The following PBX1 variants were observed in gnomAD, a reference collection of about 807,000 sequenced individuals.
The protein encoded by PBX1 is PBX homeobox 1.
A neutral mutation model predicts 53.4 loss-of-function variants in PBX1; 6 were observed. The observed-to-expected ratio is 0.11, with a 90% CI of 0.06 to 0.22. The LOEUF (loss-of-function observed/expected upper bound fraction) is 0.22. PBX1 is among the 10% of genes least tolerant of loss of function. PBX1 has a pLI of 1.00. For synonymous variants in PBX1, 204 were observed against 212.3 expected, an observed-to-expected ratio of 0.96 and a Z score of 0.34; for missense variants, 251 against 551.4, an observed-to-expected ratio of 0.46 and a Z score of 5.46.
At chr1:164,723,008 A>C (rs1664492851) in intron 2 of PBX1, among the ~76,000 whole-genome samples, 1 of 152,182 alleles carries the variant, frequency 6.6e-6, no homozygotes, top group African/African-American at 2.4e-5. Context: ...TGAACTTTCT[A>C]TACAGAGGTT....
At chr1:164,723,685 C>T (rs1188216498) in intron 2 of PBX1, among the ~76,000 whole-genome samples, 4 of 152,186 alleles carry the variant, frequency 2.6e-5, no homozygotes, top group African/African-American at 9.7e-5. Flanking sequence ...CTGAGGAAGA[C>T]TCTGTTGCTA....
intron 2 of PBX1, among the ~76,000 whole-genome samples, chr1:164,580,623 C>T (rs1187160261): frequency 6.6e-6 from 1 of 151,986 alleles, no homozygotes; most frequent in Non-Finnish European, 1.5e-5. Context: ...GTTGCCCAGG[C>T]TAGAGTGCAA....
intron 2 of PBX1, among the ~76,000 whole-genome samples, chr1:164,716,174 T>C (rs1038027913): frequency 2.0e-5 from 3 of 152,226 alleles, no homozygotes; most frequent in African/African-American, 7.2e-5. Context: ...GACTGCCAAG[T>C]AGTGTTTTTA....
At chr1:164,739,165 ATATCT>A (rs909872127) in intron 2 of PBX1, among the ~76,000 whole-genome samples, 2 of 152,190 alleles carry the variant, frequency 1.3e-5, no homozygotes, top group Non-Finnish European at 2.9e-5. Context: ...CTAAAATAAA[ATATCT>A]TAAATAACAC....
At chr1:164,588,969 G>A (rs1044920147) in intron 2 of PBX1, among the ~76,000 whole-genome samples, 3 of 152,084 alleles carry the variant, frequency 2.0e-5, no homozygotes, top group African/African-American at 7.2e-5. Flanking sequence ...AACAGCAGCG[G>A]ATTTCTCCTT....
intron 2 of PBX1, among the ~76,000 whole-genome samples, chr1:164,768,793 C>T (rs1360879035): frequency 6.6e-6 from 1 of 152,214 alleles, no homozygotes. Flanking sequence ...ATTCATCACG[C>T]CTGTAATCCC....
At chr1:164,753,515 C>T (rs548952411) in intron 2 of PBX1, among the ~76,000 whole-genome samples, 3 of 152,214 alleles carry the variant, frequency 2.0e-5, no homozygotes, top group Admixed American at 2.0e-4. Context: ...TACATTAGTC[C>T]CCAAGTTTGT....
In PBX1 at chr1:164,846,849, C is replaced by T. The variant is rs1402060327; in HGVS notation, c.*173C>T. 10 of 1,451,012 alleles carry T rather than the reference C, an allele frequency of 6.9e-6. No homozygotes were observed. The highest frequency in any genetic ancestry group is 1.4e-5 in the South Asian group (1 of 69,370). 89.9% of individuals were successfully genotyped at this position (1,451,012 alleles called of 1,614,324 possible). On this transcript the variant is annotated 3_prime_UTR_variant, in exon 9 of 9. Transcript: ENST00000420696. ...GGGATGCTATTTCAGCCAATCTGGACACTTCTTTATACTCTCTTCCCTTTT... is the reference window on the plus strand; with the variant it reads ...GGGATGCTATTTCAGCCAATCTGGATACTTCTTTATACTCTCTTCCCTTTT...
At chr1:164,750,930 C>T (rs1666177543) in intron 2 of PBX1, among the ~76,000 whole-genome samples, 1 of 152,078 alleles carries the variant, frequency 6.6e-6, no homozygotes, top group Admixed American at 6.5e-5. Flanking sequence ...TTTTGAAACC[C>T]CCTAAGGTAA....
chr1:164,696,371 T>A (rs1300426944), intron 2 of PBX1, among the ~76,000 whole-genome samples: 1 of 152,172 alleles, frequency 6.6e-6, no homozygotes, highest in Non-Finnish European at 1.5e-5. Flanking sequence ...TTTATTTGGA[T>A]TCCACAGAAA....
intron 2 of PBX1, among the ~76,000 whole-genome samples, chr1:164,676,949 G>T (rs1661465303): frequency 6.6e-6 from 1 of 152,142 alleles, no homozygotes; most frequent in African/African-American, 2.4e-5. Flanking sequence ...GGACATTCTA[G>T]GTAGGATTCT....
At chr1:164,745,433 T>A (rs1045342557) in intron 2 of PBX1, among the ~76,000 whole-genome samples, 1 of 152,210 alleles carries the variant, frequency 6.6e-6, no homozygotes, top group Non-Finnish European at 1.5e-5. Context: ...TGGGTTAATA[T>A]TATTTTTTCA....
At chr1:164,802,676 G>A (rs140519975) in intron 4 of PBX1, among the ~76,000 whole-genome samples, 21 of 152,132 alleles carry the variant, frequency 1.4e-4, no homozygotes, top group South Asian at 8.3e-4. Flanking sequence ...TAACCTTTCG[G>A]CCCTTTATGC....
intron 2 of PBX1, among the ~76,000 whole-genome samples, chr1:164,589,818 ATTGAAG>A (rs2101765873): frequency 6.6e-6 from 1 of 152,344 alleles, no homozygotes; most frequent in East Asian, 1.9e-4. Context: ...TGATCCAGTG[ATTGAAG>A]TTGAATTAGA....
chr1:164,702,933 T>G (rs1557953187), intron 2 of PBX1: 1 of 152,210 alleles, frequency 6.6e-6, no homozygotes, highest in Non-Finnish European at 1.5e-5. Flanking sequence ...GGTAATTAAC[T>G]TATGGTGCCA....
chr1:164,843,173 T>A (rs964301552), intron 8 of PBX1, among the ~76,000 whole-genome samples: 1 of 151,920 alleles, frequency 6.6e-6, no homozygotes, highest in African/African-American at 2.4e-5. Flanking sequence ...TTAACTTGAG[T>A]TTGCTTGCAG....
At chr1:164,610,495 G>A (rs1656836840) in intron 2 of PBX1, among the ~76,000 whole-genome samples, 1 of 152,152 alleles carries the variant, frequency 6.6e-6, no homozygotes, top group South Asian at 2.1e-4. Flanking sequence ...TTAATTGTTA[G>A]TGAATTAAGC....
chr1:164,574,365 G>A (rs758409668), intron 2 of PBX1, among the ~76,000 whole-genome samples: 8 of 152,208 alleles, frequency 5.3e-5, no homozygotes, highest in Admixed American at 1.3e-4. Context: ...TTTTGAGAAC[G>A]CCATTTAACC....
intron 2 of PBX1, among the ~76,000 whole-genome samples, chr1:164,725,188 C>T (rs896088072): frequency 3.9e-5 from 6 of 152,100 alleles, no homozygotes; most frequent in Non-Finnish European, 1.5e-5. Flanking sequence ...CTTTGTCAGG[C>T]CTTTCAGAGT....
Sources: gnomAD v4.1 joint callset for allele counts (sites outside exome capture counted in the v4.1 genomes callset) on GRCh38, gnomAD v4.1.1 for gene constraint, MANE v1.5 for transcripts, NCBI Gene and HGNC (gene_info 2026-07-23, HGNC 2026-07-21) for gene names.